The following LEPROTL1 variants were observed in gnomAD, a reference collection of about 807,000 sequenced individuals.
LEPROTL1 encodes leptin receptor overlapping transcript like 1.
LEPROTL1 carries 6 observed loss-of-function variants against 15.4 expected under a neutral mutation model. The ratio of observed to expected loss-of-function variants is 0.39; its 90% CI spans 0.21 to 0.77. The LOEUF is 0.77. Among genes scored for constraint, LEPROTL1 ranks in the 30% least tolerant of loss-of-function variants. The pLI is 0.41. For missense variants in LEPROTL1, 128 were observed against 158.1 expected (o/e 0.81, Z 1.02); for synonymous variants, 56 against 52.6 (o/e 1.06, Z -0.28).
intron 1 of LEPROTL1, among the ~76,000 whole-genome samples, chr8:30,098,284 T>C (rs1470898412): frequency 2.0e-5 from 3 of 152,234 alleles, no homozygotes; most frequent in African/African-American, 7.2e-5. Flanking sequence ...ATTTTTGTTC[T>C]GGGTATATGA....
rs2117489975 is a variant in LEPROTL1 at position 30,107,339 on chromosome 8, A to G, written c.*1477A>G. 6 of 985,808 alleles carry G rather than the reference A, an allele frequency of 6.1e-6. No homozygotes were observed. Among genetic ancestry groups the G allele is most frequent in the Non-Finnish European group, 7.2e-6 (6 of 829,884 alleles). 61.1% of individuals were successfully genotyped at this position (985,808 alleles called of 1,614,324 possible). A position where few individuals can be genotyped will look rare whatever the true frequency, so the allele number is the denominator to read the frequency against. On this transcript the variant is annotated 3_prime_UTR_variant, in exon 4 of 4. Transcript: ENST00000321250. ...TTTTTCAGGAGTGGGTTATAAAAACATTCAAGTTGGTCTGACAGTATTTTG... is the reference window on the plus strand; with the variant it reads ...TTTTTCAGGAGTGGGTTATAAAAACGTTCAAGTTGGTCTGACAGTATTTTG...
At chr8:30,137,705 G>T, downstream of LEPROTL1, 1 of 577,850 alleles carries the variant, frequency 1.7e-6, no homozygotes, top group Non-Finnish European at 3.1e-6. Flanking sequence ...ACTCATTTTG[G>T]GAGGAACTTA....
chr8:30,095,792 C>T (rs1316892550), intron 1 of LEPROTL1: 1 of 700,964 alleles, frequency 1.4e-6, no homozygotes, highest in Admixed American at 2.0e-5. Context: ...CCCATCGCCC[C>T]CCGGACAAAA....
At chr8:30,129,758 A>C (rs77530528) in intron 3 of LEPROTL1, among the ~76,000 whole-genome samples, 6,568 of 133,608 alleles carry the variant, frequency 0.049, 163 homozygotes, top group Non-Finnish European at 0.064. Context: ...CACACACACA[A>C]AGAACTACCT....
intron 3 of LEPROTL1, among the ~76,000 whole-genome samples, chr8:30,129,181 G>A (rs576489245): frequency 3.9e-5 from 6 of 152,148 alleles, no homozygotes; most frequent in East Asian, 1.9e-4. Context: ...GATTACAGGC[G>A]TGAGCCACTG....
chr8:30,130,009 A>T (rs1293262142), intron 3 of LEPROTL1, among the ~76,000 whole-genome samples: 1 of 152,172 alleles, frequency 6.6e-6, no homozygotes, highest in South Asian at 2.1e-4. Context: ...AGCAAGGGGG[A>T]AATCCACCCC....
chr8:30,131,865 T>C (rs1204725538), intron 3 of LEPROTL1: 53 of 1,441,606 alleles, frequency 3.7e-5, no homozygotes, highest in Non-Finnish European at 4.7e-5. Context: ...AAAGTTCAAA[T>C]GTATGCATTA....
intron 4 of LEPROTL1, chr8:30,132,726 G>A: frequency 6.4e-7 from 1 of 1,551,680 alleles, no homozygotes; most frequent in Non-Finnish European, 8.7e-7. Context: ...AGCCTCCCAG[G>A]AGAGCAGGGA....
At chr8:30,135,803 A>C (rs1263275718) in intron 4 of LEPROTL1, among the ~76,000 whole-genome samples, 1 of 151,640 alleles carries the variant, frequency 6.6e-6, no homozygotes, top group Non-Finnish European at 1.5e-5. Context: ...GGTCCCAGCT[A>C]CTGAGGAGGC....
At position 30,104,658 on chromosome 8, in the gene LEPROTL1, TG is replaced by T. The variant is rs1193912558; in HGVS notation, c.279+174del. 6.9e-6 allele frequency: 3 copies of T among 436,128 alleles called. No homozygotes were observed. In the East Asian group the frequency reaches 1.1e-4, roughly 15 times the overall value. The allele number at this position is 436,128 out of a possible 1,614,324, so 27.0% of individuals were successfully genotyped here. ...TCTTGTTAACTAATAAAAGTGATAT[TG>T]GAGAACGTGGCTTGGATCTGCAGCA... On this transcript the variant is annotated intron_variant, in intron 3 of 3. Transcript: ENST00000321250.
At chr8:30,119,386 CAGTCTCCCTCATTGGCTTGCAGA>C (rs1344626655) in intron 3 of LEPROTL1, among the ~76,000 whole-genome samples, 1 of 152,206 alleles carries the variant, frequency 6.6e-6, no homozygotes, top group Non-Finnish European at 1.5e-5. Context: ...CTTTTCCCTA[CAGTCTCCCTCATTGGCTTGCAGA>C]TGGCCCATTC....
intron 4 of LEPROTL1, among the ~76,000 whole-genome samples, chr8:30,133,944 A>G (rs553882006): frequency 5.8e-4 from 88 of 152,242 alleles, no homozygotes; most frequent in Non-Finnish European, 1.1e-3. Flanking sequence ...ACCACAAAAG[A>G]CTGCAAAAAC....
downstream of LEPROTL1, among the ~76,000 whole-genome samples, chr8:30,111,177 C>T (rs1459259078): frequency 6.6e-6 from 1 of 152,164 alleles, no homozygotes; most frequent in East Asian, 1.9e-4. Flanking sequence ...AAATCATCAA[C>T]TTCCAAAACA....
intron 3 of LEPROTL1, chr8:30,131,932 A>G (rs1349848519): frequency 3.9e-6 from 6 of 1,537,354 alleles, no homozygotes; most frequent in African/African-American, 1.4e-5. Flanking sequence ...GGTGAAAGCC[A>G]GGGAAAGATG....
intron 4 of LEPROTL1, among the ~76,000 whole-genome samples, chr8:30,135,160 G>A (rs1048609235): frequency 6.6e-6 from 1 of 151,506 alleles, no homozygotes; most frequent in Admixed American, 6.6e-5. Flanking sequence ...CCAAAGGGCT[G>A]GGATTATAGG....
Position 30,095,914 on chromosome 8 carries a change from G to A in LEPROTL1, c.16+386G>A, listed in dbSNP as rs1802355748. 5 of 697,126 alleles carry A rather than the reference G, an allele frequency of 7.2e-6. No individual in the cohort carries two copies. In the East Asian group the frequency reaches 1.4e-4, roughly 19 times the overall value. The allele number at this position is 697,126 out of a possible 1,614,324, so 43.2% of individuals were successfully genotyped here. A position where few individuals can be genotyped will look rare whatever the true frequency, so the allele number is the denominator to read the frequency against. On this transcript the variant is annotated intron_variant, in intron 1 of 3. Coordinates refer to ENST00000321250, the MANE Select transcript of LEPROTL1 (RefSeq NM_015344.3). The stretch of plus-strand genomic sequence containing the variant: ...GCAGGCAGAGCGTGGGATTGAGAAG[G>A]CTGAGGCTGCTAGAGATGCCAGCTA...
At chr8:30,134,215 G>A (rs1198599833) in intron 4 of LEPROTL1, among the ~76,000 whole-genome samples, 1 of 152,176 alleles carries the variant, frequency 6.6e-6, no homozygotes, top group Non-Finnish European at 1.5e-5. Context: ...ACGAGGTCAA[G>A]AGATCGAGAC....
intron 3 of LEPROTL1, among the ~76,000 whole-genome samples, chr8:30,113,538 A>G (rs898202405): frequency 1.3e-5 from 2 of 152,138 alleles, no homozygotes; most frequent in Non-Finnish European, 2.9e-5. Context: ...CAACTTGCAG[A>G]GGGAGGACTT....
intron 4 of LEPROTL1, among the ~76,000 whole-genome samples, chr8:30,135,458 G>A (rs1281560918): frequency 6.6e-6 from 1 of 152,176 alleles, no homozygotes; most frequent in Non-Finnish European, 1.5e-5. Context: ...CCAGGCCCTG[G>A]CTGTAGGACT....
Sources: gnomAD v4.1 joint callset for allele counts (sites outside exome capture counted in the v4.1 genomes callset) on GRCh38, gnomAD v4.1.1 for gene constraint, MANE v1.5 for transcripts, NCBI Gene and HGNC (gene_info 2026-07-23, HGNC 2026-07-21) for gene names.